The following GGT1 variants were observed in gnomAD, a reference collection of about 807,000 sequenced individuals.
The protein encoded by GGT1 is glutathione hydrolase 1 proenzyme.
Under a neutral mutation model 56.0 loss-of-function variants are expected in GGT1, and 21 were observed. The observed-to-expected ratio is 0.38, with a 90% CI of 0.27 to 0.54. The LOEUF (loss-of-function observed/expected upper bound fraction) is 0.54. Among genes scored for constraint, GGT1 ranks in the 20% least tolerant of loss-of-function variants. The pLI is 0.82. For synonymous variants in GGT1, 238 were observed against 342.6 expected (o/e 0.69, Z 3.37); for missense variants, 466 against 787.0 (o/e 0.59, Z 4.88).
At chr22:24,588,945 T>A in the GGT1 span, 18 of 1,004,546 alleles carry the variant, frequency 1.8e-5, no homozygotes, top group Non-Finnish European at 2.1e-5. Context: ...CCCACAAAGC[T>A]GGCACTGAGC....
the GGT1 span, chr22:24,588,273 G>A: frequency 6.2e-7 from 1 of 1,613,686 alleles, no homozygotes. Flanking sequence ...AGTGAGGGGT[G>A]AGGTGGTAGA....
the GGT1 span, chr22:24,586,385 A>G: frequency 5.0e-6 from 8 of 1,613,370 alleles, no homozygotes; most frequent in Non-Finnish European, 5.1e-6. Context: ...CCCTGCCAGC[A>G]GAGTCTTCTG....
chr22:24,593,119 C>A, upstream of GGT1: 4 of 1,022,532 alleles, frequency 3.9e-6, no homozygotes, highest in Non-Finnish European at 4.7e-6. Flanking sequence ...CTAGTCGCCC[C>A]GCCTCCAATC....
At chr22:24,595,845 T>C (rs2045684017) in intron 1 of GGT1, among the ~76,000 whole-genome samples, 1 of 152,212 alleles carries the variant, frequency 6.6e-6, no homozygotes, top group South Asian at 2.1e-4. Context: ...CTCTGGGCCC[T>C]TCTCTACCCA....
intron 1 of GGT1, among the ~76,000 whole-genome samples, chr22:24,595,455 C>T (rs3747117): frequency 6.6e-6 from 1 of 152,228 alleles, no homozygotes; most frequent in Admixed American, 6.5e-5. Flanking sequence ...AGCAGCAGAG[C>T]TGTGTTTGTT....
the GGT1 span, chr22:24,583,862 G>T: frequency 2.2e-6 from 1 of 461,582 alleles, no homozygotes; most frequent in Non-Finnish European, 4.5e-6. Context: ...AGGGCCAGTG[G>T]TGGGCAGGGA....
intron 7 of GGT1, among the ~76,000 whole-genome samples, chr22:24,619,932 C>A (rs2047309853): frequency 6.6e-6 from 1 of 150,760 alleles, no homozygotes; most frequent in Non-Finnish European, 1.5e-5. Flanking sequence ...GCTTCCCCTG[C>A]TGTGCCCTCC....
rs1569048329 is a variant in GGT1, at chr22:24,605,351, A to ATATAATATGTATTATATATTATATAATAT, written c.-429+1858_-429+1886dup. 1.1e-4 allele frequency among the ~76,000 whole-genome samples: 7 copies of ATATAATATGTATTATATATTATATAATAT among 61,714 alleles called. 1 individual carries two copies. In the East Asian group the frequency reaches 1.9e-3, roughly 17 times the overall value. The allele number at this position is 61,714 out of a possible 152,430, so 40.5% of individuals were successfully genotyped here. ...TATTATATAATATGTATTATATATT[A>ATATAATATGTATTATATATTATATAATAT]TATAATATGTATTATATATTATATA... On this transcript the variant is annotated intron_variant, in intron 1 of 15. Coordinates refer to ENST00000400382, the MANE Select transcript of GGT1 (RefSeq NM_001288833.2).
At chr22:24,586,214 A>C in the GGT1 span, 1 of 1,613,652 alleles carries the variant, frequency 6.2e-7, no homozygotes. Context: ...GAGGCGGGGC[A>C]GCGCCCACAG....
chr22:24,602,015 G>A (rs1486244343), upstream of GGT1, among the ~76,000 whole-genome samples: 2 of 152,014 alleles, frequency 1.3e-5, no homozygotes, highest in Non-Finnish European at 2.9e-5. Context: ...TACTGGGCCC[G>A]GTGACACATT....
intron 1 of GGT1, among the ~76,000 whole-genome samples, chr22:24,605,954 TATA>T (rs1376546165): frequency 3.4e-5 from 3 of 88,096 alleles, no homozygotes; most frequent in Admixed American, 1.9e-4. Flanking sequence ...TAATATTATA[TATA>T]ATATATTACA....
At chr22:24,583,759 C>T in the GGT1 span, 2 of 471,110 alleles carry the variant, frequency 4.2e-6, no homozygotes, top group East Asian at 6.9e-5. Flanking sequence ...CGCCTGGATT[C>T]TCCCAGAGAT....
rs1004378130 is a variant in GGT1 at position 24,603,318 on chromosome 22, A to T, written c.-638A>T. The T allele has an allele frequency of 6.6e-6, 1 of 152,334 alleles. No homozygotes were observed. The highest frequency in any genetic ancestry group is 2.4e-5 in the African/African-American group (1 of 41,464). The allele number at this position is 152,334 out of a possible 1,614,324, so 9.4% of individuals were successfully genotyped here. On this transcript the variant is annotated 5_prime_UTR_variant, in exon 1 of 16. Coordinates refer to ENST00000400382, the MANE Select transcript of GGT1 (RefSeq NM_001288833.2). ...CACCCTCTCTGAGCTGGTGGACATC[A>T]TAGGTGGGGAAGCTCAGGTCAGGGC...
Position 24,628,307 on chromosome 22 carries a change from C to T in GGT1, c.1482C>T (p.Asp494=), listed in dbSNP as rs372817273. 13 of 1,611,756 alleles carry T rather than the reference C, an allele frequency of 8.1e-6. No individual in the cohort carries two copies. The highest frequency in any genetic ancestry group is 6.6e-5 in the South Asian group (6 of 90,990). ...TCTACAACCTCTGGTTCGGCTATGA[C>T]GTGAAGCGGGCCGTGGAGGAGCCCC... The part of the protein sequence containing the change: ...AIIYNLWFGY[D]VKRAVEEPRL... Residue 494 remains aspartate (D), a synonymous_variant, in exon 15 of 16, where the codon GAC becomes GAT. Transcript: ENST00000400382. This position sits in a 1 kb window ranked among gnomAD's most constrained non-coding sequence, Gnocchi z 5.7.
chr22:24,592,135 G>T (rs1426247389), upstream of GGT1: 3 of 381,192 alleles, frequency 7.9e-6, no homozygotes, highest in African/African-American at 4.2e-5. Context: ...GGACGGGGTG[G>T]TGAGGGAAGT....
upstream of GGT1, chr22:24,592,919 T>C: frequency 7.9e-7 from 1 of 1,265,698 alleles, no homozygotes; most frequent in Non-Finnish European, 1.0e-6. Flanking sequence ...TCGCGGAGCG[T>C]GGACTGGATC....
At chr22:24,619,033 G>A (rs1335532047) in intron 7 of GGT1, among the ~76,000 whole-genome samples, 1 of 152,110 alleles carries the variant, frequency 6.6e-6, no homozygotes, top group Non-Finnish European at 1.5e-5. Flanking sequence ...GAGGTGGGAG[G>A]ATTGCTTGAG....
chr22:24,586,634 CGAT>C, the GGT1 span, among the ~76,000 whole-genome samples: 1 of 152,240 alleles, frequency 6.6e-6, no homozygotes, highest in Non-Finnish European at 1.5e-5. Context: ...CGGATTCAAG[CGAT>C]TCTCCTGCTT....
chr22:24,617,587 G>A (rs2047152930), intron 7 of GGT1, among the ~76,000 whole-genome samples: 1 of 151,938 alleles, frequency 6.6e-6, no homozygotes, highest in Admixed American at 6.6e-5. Flanking sequence ...TGTGTAGGGA[G>A]TCCCCGGGGA....
Sources: allele counts gnomAD v4.1 joint callset (sites outside exome capture counted in the v4.1 genomes callset), GRCh38; gene constraint gnomAD v4.1.1; non-coding constraint Gnocchi (gnomAD v3.1); transcripts MANE v1.5; gene names NCBI Gene and HGNC (gene_info 2026-07-23, HGNC 2026-07-21).